SEMA3A: variants seen among roughly 807,000 people sequenced by gnomAD.
The protein encoded by SEMA3A is semaphorin 3A, also known as semaphorin-3A.
Under a neutral mutation model 97.9 loss-of-function variants are expected in SEMA3A, and 29 were observed. That is an observed-to-expected ratio of 0.30 (90% confidence interval 0.22 to 0.40). SEMA3A has a LOEUF of 0.40. Ranked by LOEUF, SEMA3A falls within the 10% of genes least tolerant of loss-of-function variation. SEMA3A has a pLI of 1.00. For synonymous variants in SEMA3A, 321 were observed against 323.7 expected, an observed-to-expected ratio of 0.99 and a Z score of 0.09; for missense variants, 763 against 951.3, an observed-to-expected ratio of 0.80 and a Z score of 2.60.
Position 84,001,036 on chromosome 7 carries a change from C to A in SEMA3A, c.1452+919G>T, listed in dbSNP as rs1002463199. Among the ~76,000 whole-genome samples, 5 of 149,840 alleles carry A rather than the reference C, an allele frequency of 3.3e-5. No homozygotes were observed. The Admixed American group carries it at 3.3e-4, about 10-fold the overall frequency. ...TGTCAGACTAGATGCAATATTTTCT[C>A]ATTTTTCTGTCTACCAACTTCTTCT... On this transcript the variant is annotated intron_variant, in intron 12 of 16. Coordinates refer to ENST00000265362, the MANE Select transcript of SEMA3A (RefSeq NM_006080.3).
intron 1 of SEMA3A, among the ~76,000 whole-genome samples, chr7:84,167,481 G>T (rs1010489864): frequency 2.0e-5 from 3 of 152,142 alleles, no homozygotes; most frequent in African/African-American, 7.2e-5. Flanking sequence ...TATCTGAAAA[G>T]ATTAAATTGA....
chr7:83,975,414 T>G (rs1422466418), intron 15 of SEMA3A, among the ~76,000 whole-genome samples: 1 of 152,158 alleles, frequency 6.6e-6, no homozygotes, highest in East Asian at 1.9e-4. Flanking sequence ...AAGAGAGATC[T>G]TATTTTTGAA....
At chr7:84,414,500 C>T (rs1218471361) in intron 1 of SEMA3A, among the ~76,000 whole-genome samples, 1 of 151,614 alleles carries the variant, frequency 6.6e-6, no homozygotes, top group Non-Finnish European at 1.5e-5. Context: ...GAAATTCTCA[C>T]AGAAATCACC....
chr7:84,465,009 C>T (rs1483343333), intron 1 of SEMA3A, among the ~76,000 whole-genome samples: 1 of 152,042 alleles, frequency 6.6e-6, no homozygotes, highest in Admixed American at 6.6e-5. Context: ...GAGAGTGTCA[C>T]ATAAAATCTT....
At chr7:84,158,479 C>T (rs928467395) in intron 1 of SEMA3A, among the ~76,000 whole-genome samples, 12 of 152,044 alleles carry the variant, frequency 7.9e-5, no homozygotes, top group Non-Finnish European at 7.4e-5. Context: ...TGATGCCTTA[C>T]TTGATGTGAC....
intron 2 of SEMA3A, among the ~76,000 whole-genome samples, chr7:84,370,999 A>G (rs1213399880): frequency 1.3e-5 from 2 of 151,158 alleles, no homozygotes; most frequent in African/African-American, 2.4e-5. Context: ...TGATGGAGGG[A>G]GAGGGAGGAG....
intron 3 of SEMA3A, among the ~76,000 whole-genome samples, chr7:84,305,450 G>A (rs1272622106): frequency 6.6e-6 from 1 of 151,632 alleles, no homozygotes; most frequent in Non-Finnish European, 1.5e-5. Flanking sequence ...AGTCATATTT[G>A]CTAAATATTT....
intron 1 of SEMA3A, among the ~76,000 whole-genome samples, chr7:84,392,475 G>T (rs1350616067): frequency 6.6e-6 from 1 of 152,084 alleles, no homozygotes; most frequent in African/African-American, 2.4e-5. Flanking sequence ...CCTAGTGATG[G>T]TCATCTAGAT....
At chr7:84,062,038 A>G (rs998663611) in intron 4 of SEMA3A, among the ~76,000 whole-genome samples, 4 of 152,194 alleles carry the variant, frequency 2.6e-5, no homozygotes, top group Non-Finnish European at 4.4e-5. Context: ...CAGCACATGT[A>G]AGGATATTTA....
At chr7:84,403,666 C>A (rs1292254256) in intron 1 of SEMA3A, among the ~76,000 whole-genome samples, 1 of 152,160 alleles carries the variant, frequency 6.6e-6, no homozygotes, top group Non-Finnish European at 1.5e-5. Flanking sequence ...ACTGACACCT[C>A]ACACAGCCGG....
chr7:84,467,399 G>A (rs775153846), intron 1 of SEMA3A, among the ~76,000 whole-genome samples: 43 of 151,840 alleles, frequency 2.8e-4, no homozygotes, highest in Non-Finnish European at 5.3e-4. Flanking sequence ...GTGCACACCT[G>A]TAGTCTCAGC....
chr7:84,047,713 A>T (rs1269513892), intron 5 of SEMA3A, among the ~76,000 whole-genome samples: 1 of 152,046 alleles, frequency 6.6e-6, no homozygotes, highest in Non-Finnish European at 1.5e-5. Flanking sequence ...TATCTTGTTG[A>T]TCGAATAGGT....
At chr7:83,969,837 T>C (rs1162800269) in intron 15 of SEMA3A, among the ~76,000 whole-genome samples, 7 of 152,188 alleles carry the variant, frequency 4.6e-5, no homozygotes, top group Non-Finnish European at 8.8e-5. Flanking sequence ...GAAAGAGAAC[T>C]GAGAAGTCAT....
chr7:83,969,569 C>T (rs1179115001), intron 15 of SEMA3A, among the ~76,000 whole-genome samples: 1 of 152,050 alleles, frequency 6.6e-6, no homozygotes, highest in Non-Finnish European at 1.5e-5. Flanking sequence ...ACTTTGACAT[C>T]CTCAAGACAT....
chr7:84,193,672 A>G (rs1798119943), intron 1 of SEMA3A, among the ~76,000 whole-genome samples: 1 of 152,126 alleles, frequency 6.6e-6, no homozygotes, highest in Admixed American at 6.6e-5. Flanking sequence ...TGTGGAACAA[A>G]CATAAAAAAT....
intron 4 of SEMA3A, among the ~76,000 whole-genome samples, chr7:84,079,904 G>A (rs147405811): frequency 0.39 from 55,402 of 141,660 alleles, 12,869 homozygotes; most frequent in African/African-American, 0.66. Context: ...ACTTGCGCAC[G>A]TATGTTTATT....
intron 1 of SEMA3A, among the ~76,000 whole-genome samples, chr7:84,137,540 T>C (rs937595080): frequency 2.0e-5 from 3 of 151,998 alleles, no homozygotes; most frequent in African/African-American, 7.2e-5. Context: ...AACGGGCTGC[T>C]GCCAGAGGCA....
At chr7:84,150,839 T>C (rs950306223) in intron 1 of SEMA3A, among the ~76,000 whole-genome samples, 1 of 151,980 alleles carries the variant, frequency 6.6e-6, no homozygotes, top group Admixed American at 6.6e-5. Flanking sequence ...TAAATGGCCC[T>C]GTCTGACAGC....
At chr7:84,110,610 CA>C in intron 3 of SEMA3A, 21 bp from the exon 4 acceptor site, 1 of 1,612,850 alleles carries the variant, frequency 6.2e-7, no homozygotes, top group South Asian at 1.1e-5. Flanking sequence ...AAAGGAAAAC[CA>C]AAGAGTTTCA....
Sources: gnomAD v4.1 joint callset for allele counts (sites outside exome capture counted in the v4.1 genomes callset) on GRCh38, gnomAD v4.1.1 for gene constraint, MANE v1.5 for transcripts, NCBI Gene and HGNC (gene_info 2026-07-23, HGNC 2026-07-21) for gene names.